Variants in TRAPPC9 observed in about 807,000 individuals in gnomAD.
TRAPPC9 encodes IKK2 binding protein.
Under a neutral mutation model 124.0 loss-of-function variants are expected in TRAPPC9, and 83 were observed. That is an observed-to-expected ratio of 0.67 (90% CI 0.56 to 0.80). The LOEUF (loss-of-function observed/expected upper bound fraction) is 0.80. Among genes scored for constraint, TRAPPC9 ranks in the 30% least tolerant of loss-of-function variants. TRAPPC9 has a pLI of 0.00. For synonymous variants in TRAPPC9, 638 were observed against 617.5 expected (o/e 1.03, Z -0.49); for missense variants, 1,302 against 1,508.3 (o/e 0.86, Z 2.27).
intron 18 of TRAPPC9, among the ~76,000 whole-genome samples, chr8:139,992,582 A>G (rs1213671440): frequency 6.6e-6 from 1 of 151,376 alleles, no homozygotes; most frequent in African/African-American, 2.4e-5. Context: ...ATGCAACTCA[A>G]TAAGAAAAAT....
chr8:140,374,784 G>C (rs2068386960), intron 7 of TRAPPC9, among the ~76,000 whole-genome samples: 1 of 152,142 alleles, frequency 6.6e-6, no homozygotes, highest in Non-Finnish European at 1.5e-5. Flanking sequence ...AAAGGTGACA[G>C]CCGGGGAAGG....
At chr8:139,819,740 G>A (rs934763898) in intron 21 of TRAPPC9, among the ~76,000 whole-genome samples, 6 of 152,022 alleles carry the variant, frequency 3.9e-5, no homozygotes, top group Non-Finnish European at 7.4e-5. Flanking sequence ...CAGGCCGGGC[G>A]CAGTGGCTCA....
At chr8:139,812,749 A>G (rs548923399) in intron 21 of TRAPPC9, among the ~76,000 whole-genome samples, 7 of 152,368 alleles carry the variant, frequency 4.6e-5, no homozygotes, top group Admixed American at 3.3e-4. Flanking sequence ...CCAAGAGTAA[A>G]GGTGTTGGAA....
At chr8:140,363,894 G>A (rs532309688) in intron 8 of TRAPPC9, among the ~76,000 whole-genome samples, 23 of 152,160 alleles carry the variant, frequency 1.5e-4, no homozygotes, top group South Asian at 1.2e-3. Context: ...CACTGCACCC[G>A]GCCCCAAACA....
chr8:140,342,118 T>C (rs1466284743), intron 9 of TRAPPC9, among the ~76,000 whole-genome samples: 4 of 152,220 alleles, frequency 2.6e-5, no homozygotes, highest in East Asian at 3.8e-4. Flanking sequence ...AATGGTGTCT[T>C]GGCACTCTGT....
In TRAPPC9 at chr8:140,371,011, G is replaced by A. The variant is rs369179663; in HGVS notation, c.1304C>T (p.Thr435Met). Residue 435 changes from threonine to methionine, a missense_variant, in exon 8 of 23, where the codon ACG (threonine) becomes ATG (methionine). Around this residue, in one of 3 missense-constraint regions of TRAPPC9, gnomAD observed 657 missense variants for 811.2 expected, o/e 0.81. Coordinates refer to ENST00000438773, the MANE Select transcript of TRAPPC9 (RefSeq NM_001160372.4). Reference sequence around the variant, plus strand: ...CAGCGACAGACTGTAGCCGGGCAGCGTTTCCAGGAGGAGTTTGTAGCAGGC... The same window carrying A: ...CAGCGACAGACTGTAGCCGGGCAGCATTTCCAGGAGGAGTTTGTAGCAGGC... ...WRACYKLLLETLPGYSLSLDP... is the reference protein window; with the variant it reads ...WRACYKLLLEMLPGYSLSLDP... The A allele has an allele frequency of 1.1e-5, 18 of 1,614,238 alleles. No individual in the cohort carries two copies. The highest frequency in any genetic ancestry group is 1.7e-4 in the Middle Eastern group (1 of 6,060).
chr8:139,752,730 A>G lies in TRAPPC9; in HGVS notation c.3056-20528T>C, dbSNP rs570594787. Reference sequence around the variant, plus strand: ...TCATCCATTCATACATCCATCCACTACCACCTGTTCATCTACCATCCATCC... The same window carrying G: ...TCATCCATTCATACATCCATCCACTGCCACCTGTTCATCTACCATCCATCC... On this transcript the variant is annotated intron_variant, in intron 21 of 22. Coordinates refer to ENST00000438773, the MANE Select transcript of TRAPPC9 (RefSeq NM_001160372.4). 1.2e-4 allele frequency among the ~76,000 whole-genome samples: 18 copies of G among 149,424 alleles called. No homozygotes were observed. The East Asian group carries it at 3.4e-3, about 28-fold the overall frequency.
At chr8:139,754,464 C>T (rs1254638330) in intron 21 of TRAPPC9, among the ~76,000 whole-genome samples, 1 of 152,206 alleles carries the variant, frequency 6.6e-6, no homozygotes, top group Non-Finnish European at 1.5e-5. Flanking sequence ...GTGCTGCCTT[C>T]CAAGACTGCC....
chr8:140,177,844 T>C (rs2062104451), intron 17 of TRAPPC9, among the ~76,000 whole-genome samples: 1 of 152,128 alleles, frequency 6.6e-6, no homozygotes, highest in African/African-American at 2.4e-5. Flanking sequence ...TATATTTTCT[T>C]GTAATTTTCA....
chr8:140,274,527 G>A (rs2065055893), intron 15 of TRAPPC9, among the ~76,000 whole-genome samples: 1 of 152,222 alleles, frequency 6.6e-6, no homozygotes, highest in African/African-American at 2.4e-5. Context: ...TACAGACACA[G>A]ATTTCTATCA....
intron 17 of TRAPPC9, among the ~76,000 whole-genome samples, chr8:140,122,051 C>CTT (rs775593006): frequency 6.0e-5 from 9 of 150,844 alleles, no homozygotes; most frequent in Admixed American, 5.3e-4. Flanking sequence ...CTCTCTCTCT[C>CTT]CCTTTCTCCC....
chr8:140,457,200 G>C (rs1564039052), intron 1 of TRAPPC9, among the ~76,000 whole-genome samples: 1 of 152,014 alleles, frequency 6.6e-6, no homozygotes, highest in Non-Finnish European at 1.5e-5. Context: ...CAGACCCCGC[G>C]GGCTCCAGTG....
At chr8:139,971,782 C>CACACATAT (rs1836104450) in intron 19 of TRAPPC9, among the ~76,000 whole-genome samples, 1 of 39,200 alleles carries the variant, frequency 2.6e-5, no homozygotes, top group African/African-American at 1.5e-4. Flanking sequence ...TATACACACA[C>CACACATAT]ATATATACAC....
chr8:139,759,181 C>G (rs1488197448), intron 21 of TRAPPC9, among the ~76,000 whole-genome samples: 1 of 152,156 alleles, frequency 6.6e-6, no homozygotes, highest in Non-Finnish European at 1.5e-5. Flanking sequence ...AGCAACTTGC[C>G]CAGGCTGCAT....
chr8:139,756,074 C>T (rs1280387414), intron 21 of TRAPPC9, among the ~76,000 whole-genome samples: 1 of 113,060 alleles, frequency 8.8e-6, no homozygotes, highest in Non-Finnish European at 1.7e-5. Flanking sequence ...GCAGGAGGAG[C>T]CAGGGTTTGG....
At chr8:140,044,720 T>C (rs1304407083) in intron 17 of TRAPPC9, among the ~76,000 whole-genome samples, 2 of 152,228 alleles carry the variant, frequency 1.3e-5, no homozygotes, top group East Asian at 1.9e-4. Flanking sequence ...GCTTCTCGCC[T>C]CGGGGAGAAT....
chr8:139,745,880 G>A (rs888917821), intron 21 of TRAPPC9, among the ~76,000 whole-genome samples: 1 of 152,238 alleles, frequency 6.6e-6, no homozygotes, highest in Non-Finnish European at 1.5e-5. Flanking sequence ...GCAGCAGCCC[G>A]CCTCCACGTG....
intron 2 of TRAPPC9, among the ~76,000 whole-genome samples, chr8:140,446,547 G>C (rs2071266344): frequency 6.6e-6 from 1 of 152,088 alleles, no homozygotes; most frequent in Non-Finnish European, 1.5e-5. Flanking sequence ...AAAGACTGGT[G>C]TGGGTTTTTT....
At chr8:139,888,226 C>A (rs991383588) in intron 20 of TRAPPC9, among the ~76,000 whole-genome samples, 1 of 152,238 alleles carries the variant, frequency 6.6e-6, no homozygotes, top group Admixed American at 6.5e-5. Context: ...AGCTCCTGCC[C>A]TCACTGGCTC....
Sources: allele counts gnomAD v4.1 joint callset (sites outside exome capture counted in the v4.1 genomes callset), GRCh38; gene constraint gnomAD v4.1.1; regional missense constraint gnomAD v4.1.1; transcripts MANE v1.5; gene names NCBI Gene and HGNC (gene_info 2026-07-23, HGNC 2026-07-21).